Variants in KCNQ5 observed in about 807,000 individuals in gnomAD.
KCNQ5 encodes the protein potassium voltage-gated channel subfamily KQT member 5.
Under a neutral mutation model 98.2 loss-of-function variants are expected in KCNQ5, and 30 were observed. The ratio of observed to expected loss-of-function variants is 0.31; its 90% CI spans 0.23 to 0.41. The LOEUF is 0.41. Among genes scored for constraint, KCNQ5 ranks in the 10% least tolerant of loss-of-function variants. The probability of loss-of-function intolerance (pLI) is 1.00; values close to 1 mark genes in which losing one functional copy is unlikely to be tolerated. For synonymous variants in KCNQ5, 458 were observed against 449.4 expected (o/e 1.02, Z -0.24); for missense variants, 835 against 1,182.5 (o/e 0.71, Z 4.31).
chr6:72,786,795 A>G (rs989281495), intron 1 of KCNQ5, among the ~76,000 whole-genome samples: 5 of 151,870 alleles, frequency 3.3e-5, no homozygotes, highest in Non-Finnish European at 7.4e-5. Context: ...TCACGAGGTC[A>G]GGAGATTGAG....
intron 1 of KCNQ5, among the ~76,000 whole-genome samples, chr6:72,906,883 T>C (rs914386823): frequency 8.5e-5 from 13 of 152,210 alleles, no homozygotes; most frequent in African/African-American, 3.1e-4. Flanking sequence ...GCTTCATCCA[T>C]CAGAGTTGGG....
At chr6:72,888,595 A>C (rs778332337) in intron 1 of KCNQ5, among the ~76,000 whole-genome samples, 1 of 152,092 alleles carries the variant, frequency 6.6e-6, no homozygotes, top group Admixed American at 6.6e-5. Flanking sequence ...TGAACCATAC[A>C]TGTTTCTGGT....
intron 1 of KCNQ5, among the ~76,000 whole-genome samples, chr6:72,700,951 A>C (rs1230036290): frequency 6.6e-6 from 1 of 152,250 alleles, no homozygotes; most frequent in East Asian, 1.9e-4. Flanking sequence ...CTGTAATTTT[A>C]AGAGCAATTC....
chr6:73,030,286 G>A (rs1771082207), intron 2 of KCNQ5, among the ~76,000 whole-genome samples: 3 of 152,172 alleles, frequency 2.0e-5, no homozygotes, highest in Non-Finnish European at 2.9e-5. Flanking sequence ...TATTGGTGGT[G>A]ATATGTTCTG....
At chr6:72,852,890 A>C (rs1462346545) in intron 1 of KCNQ5, among the ~76,000 whole-genome samples, 1 of 151,858 alleles carries the variant, frequency 6.6e-6, no homozygotes, top group Non-Finnish European at 1.5e-5. Context: ...TTATCTCTAC[A>C]TGATGAAATA....
chr6:72,787,821 C>T (rs1773835170), intron 1 of KCNQ5, among the ~76,000 whole-genome samples: 1 of 152,168 alleles, frequency 6.6e-6, no homozygotes, highest in Admixed American at 6.5e-5. Flanking sequence ...CACATTCTTC[C>T]TGTGCATTCA....
At chr6:72,788,250 G>A (rs1476090625) in intron 1 of KCNQ5, among the ~76,000 whole-genome samples, 2 of 152,200 alleles carry the variant, frequency 1.3e-5, no homozygotes, top group African/African-American at 2.4e-5. Flanking sequence ...TATAAAATGT[G>A]CTAACAAACC....
At chr6:72,659,108 A>C (rs1766372926) in intron 1 of KCNQ5, among the ~76,000 whole-genome samples, 1 of 152,206 alleles carries the variant, frequency 6.6e-6, no homozygotes, top group African/African-American at 2.4e-5. Flanking sequence ...CCTTCTTGCA[A>C]CTTTCCATCT....
chr6:72,917,812 G>A (rs997325027), intron 1 of KCNQ5, among the ~76,000 whole-genome samples: 1 of 152,072 alleles, frequency 6.6e-6, no homozygotes, highest in Admixed American at 6.6e-5. Context: ...TGGGAAGGAA[G>A]GACATGCCCA....
chr6:73,066,335 G>C (rs897752488), intron 3 of KCNQ5, among the ~76,000 whole-genome samples: 6 of 151,772 alleles, frequency 4.0e-5, no homozygotes, highest in African/African-American at 1.5e-4. Flanking sequence ...ATTTCCCCAG[G>C]GTTTTTGTCA....
rs559370389 is a variant in KCNQ5 at position 72,900,817 on chromosome 6, G to GT, written c.399-103083dup. Among the ~76,000 whole-genome samples the GT allele has an allele frequency of 2.6e-3, 395 of 151,630 alleles. 3 individuals are homozygous for GT. The highest frequency in any genetic ancestry group is 8.7e-3 in the African/African-American group (358 of 41,344). ...CACTGCATCCACGCCAACACCTACT[G>GT]TTTTTTTTATTTTTTTATGGCCATT... On this transcript the variant is annotated intron_variant, in intron 1 of 13. Transcript: ENST00000370398.
intron 1 of KCNQ5, among the ~76,000 whole-genome samples, chr6:72,882,874 C>T (rs6930157): frequency 0.27 from 40,840 of 151,972 alleles, 5,731 homozygotes; most frequent in Admixed American, 0.3. Context: ...AGAGTGTACG[C>T]GTGCATCATC....
Position 73,056,352 on chromosome 6 carries a change from G to A in KCNQ5, c.616+14290G>A, listed in dbSNP as rs528799703. ...GACCCCAGAGGAACTGGCTCTAGAA[G>A]GTTGGGATCAATCCTGAATTTAGTT... On this transcript the variant is annotated intron_variant, in intron 3 of 13. Coordinates refer to ENST00000370398, the MANE Select transcript of KCNQ5 (RefSeq NM_019842.4). Among the ~76,000 whole-genome samples, 280 of 151,942 alleles carry A rather than the reference G, an allele frequency of 1.8e-3. 1 individual carries two copies. Among genetic ancestry groups the A allele is most frequent in the African/African-American group, 6.4e-3 (264 of 41,400 alleles).
At chr6:72,816,277 G>C (rs1775505895) in intron 1 of KCNQ5, among the ~76,000 whole-genome samples, 1 of 152,208 alleles carries the variant, frequency 6.6e-6, no homozygotes, top group Non-Finnish European at 1.5e-5. Flanking sequence ...AAGGCATGCT[G>C]TGAAAGATTA....
chr6:72,841,667 T>A (rs996890013), intron 1 of KCNQ5, among the ~76,000 whole-genome samples: 13 of 152,146 alleles, frequency 8.5e-5, no homozygotes, highest in Non-Finnish European at 1.6e-4. Flanking sequence ...TTATACCGGA[T>A]TATTCCTTTA....
At chr6:73,167,904 C>A (rs183953686) in intron 10 of KCNQ5, among the ~76,000 whole-genome samples, 6 of 152,286 alleles carry the variant, frequency 3.9e-5, no homozygotes, top group African/African-American at 1.4e-4. Context: ...ATAAATGAAT[C>A]ACCTTCTAAA....
intron 1 of KCNQ5, among the ~76,000 whole-genome samples, chr6:72,864,446 A>T (rs867044267): frequency 6.6e-6 from 1 of 152,166 alleles, no homozygotes; most frequent in African/African-American, 2.4e-5. Context: ...CACTGAGAAA[A>T]TCTGGGTCAG....
intron 10 of KCNQ5, among the ~76,000 whole-genome samples, chr6:73,154,717 A>T (rs777731577): frequency 6.6e-6 from 1 of 152,228 alleles, no homozygotes; most frequent in African/African-American, 2.4e-5. Context: ...AAGTTCTACT[A>T]TAAAAGTTAC....
rs1491304220 is a variant in KCNQ5 at position 72,760,446 on chromosome 6, ACG to A, written c.398+137860_398+137861del. 2.4e-4 allele frequency among the ~76,000 whole-genome samples: 22 copies of A among 92,432 alleles called. 1 individual carries two copies. In the East Asian group the frequency reaches 4.2e-3, roughly 18 times the overall value. The allele number at this position is 92,432 out of a possible 152,430, so 60.6% of individuals were successfully genotyped here. ...TAATAGAATTGTTTTTTTCAGGAGT[ACG>A]TGTGTGTGTGTGTGTGTGTGTGTGT... On this transcript the variant is annotated intron_variant, in intron 1 of 13. Coordinates refer to ENST00000370398, the MANE Select transcript of KCNQ5 (RefSeq NM_019842.4).
Sources: allele counts gnomAD v4.1 joint callset (sites outside exome capture counted in the v4.1 genomes callset), GRCh38; gene constraint gnomAD v4.1.1; transcripts MANE v1.5; gene names NCBI Gene and HGNC (gene_info 2026-07-23, HGNC 2026-07-21).